SMOC2: variants seen among roughly 807,000 people sequenced by gnomAD.
The protein encoded by SMOC2 is SPARC related modular calcium binding 2.
SMOC2 carries 39 observed loss-of-function variants against 61.4 expected under a neutral mutation model. The observed-to-expected ratio is 0.64, with a 90% CI of 0.49 to 0.83. The LOEUF is 0.83. Ranked by LOEUF, SMOC2 falls within the 40% of genes least tolerant of loss-of-function variation. The probability of loss-of-function intolerance (pLI) is 0.00; values close to 1 mark genes in which losing one functional copy is unlikely to be tolerated. For synonymous variants in SMOC2, 247 were observed against 239.9 expected, an observed-to-expected ratio of 1.03 and a Z score of -0.27; for missense variants, 556 against 592.9, an observed-to-expected ratio of 0.94 and a Z score of 0.65.
chr6:168,616,239 G>C (rs537146245), intron 9 of SMOC2, among the ~76,000 whole-genome samples: 4 of 152,194 alleles, frequency 2.6e-5, no homozygotes, highest in Non-Finnish European at 4.4e-5. Flanking sequence ...AAAGCTTCAG[G>C]CTTTAGAAAC....
At chr6:168,493,289 G>T (rs781646608) in intron 1 of SMOC2, among the ~76,000 whole-genome samples, 10 of 152,052 alleles carry the variant, frequency 6.6e-5, no homozygotes, top group Non-Finnish European at 1.5e-4. Context: ...CACCTGCCTC[G>T]GCCTCCCAAA....
rs1249962081 is a variant in SMOC2, at chr6:168,518,842, CGT to C, written c.257-7496_257-7495del. On this transcript the variant is annotated intron_variant, in intron 2 of 12. Transcript: ENST00000356284. ...TTATGTGAGTGCATGAGTGTGCATG[CGT>C]GTGTGTGCCTCCTTGTGTATGAATG... is the stretch of plus-strand genomic sequence containing the variant. 7.9e-3 allele frequency among the ~76,000 whole-genome samples: 1,192 copies of C among 150,210 alleles called. 15 individuals are homozygous for C. The highest frequency in any genetic ancestry group is 0.027 in the African/African-American group (1,091 of 40,714).
chr6:168,599,299 C>CCA (rs148009987), intron 8 of SMOC2, among the ~76,000 whole-genome samples: 48,115 of 129,850 alleles, frequency 0.37, 9,442 homozygotes, highest in Middle Eastern at 0.43. Flanking sequence ...CACACACATA[C>CCA]CACACACACA....
At chr6:168,528,860 A>C (rs1783517346) in intron 4 of SMOC2, among the ~76,000 whole-genome samples, 1 of 152,254 alleles carries the variant, frequency 6.6e-6, no homozygotes, top group Non-Finnish European at 1.5e-5. Context: ...GAAATGAAAC[A>C]GAAAAACATC....
chr6:168,632,413 T>G (rs2115248763), intron 9 of SMOC2, among the ~76,000 whole-genome samples: 1 of 152,326 alleles, frequency 6.6e-6, no homozygotes, highest in African/African-American at 2.4e-5. Flanking sequence ...TGTATGAAAA[T>G]AATCACTCTC....
At chr6:168,595,457 C>T (rs1260578932) in intron 7 of SMOC2, among the ~76,000 whole-genome samples, 1 of 152,224 alleles carries the variant, frequency 6.6e-6, no homozygotes, top group Admixed American at 6.5e-5. Context: ...AGAACCACCC[C>T]CGTCAGCTCT....
chr6:168,634,544 G>A (rs1052370210), intron 9 of SMOC2, among the ~76,000 whole-genome samples: 2 of 152,140 alleles, frequency 1.3e-5, no homozygotes, highest in African/African-American at 4.8e-5. Flanking sequence ...TGAAGAGAAC[G>A]TTGTTTCAGA....
At chr6:168,616,779 C>T (rs1259827410) in intron 9 of SMOC2, among the ~76,000 whole-genome samples, 3 of 152,176 alleles carry the variant, frequency 2.0e-5, no homozygotes, top group African/African-American at 4.8e-5. Context: ...ATCCCAGAGG[C>T]ATCATAAGAC....
chr6:168,666,294 T>TA, intron 12 of SMOC2, 127 bp from the exon 13 acceptor site: 3 of 904,794 alleles, frequency 3.3e-6, no homozygotes, highest in Non-Finnish European at 3.4e-6. Context: ...TACTCATACT[T>TA]ACACCTCACA....
At chr6:168,528,307 A>G (rs1783504036) in intron 4 of SMOC2, among the ~76,000 whole-genome samples, 1 of 124,900 alleles carries the variant, frequency 8.0e-6, no homozygotes, top group Non-Finnish European at 1.7e-5. Flanking sequence ...AATGATTTAG[A>G]TCATTTTTAT....
intron 1 of SMOC2, among the ~76,000 whole-genome samples, chr6:168,457,274 C>T (rs895116873): frequency 1.3e-5 from 2 of 152,290 alleles, no homozygotes; most frequent in Admixed American, 6.5e-5. Context: ...CCACTGTCTA[C>T]AACGGGGGAG....
chr6:168,559,920 A>G (rs749063248), intron 7 of SMOC2, among the ~76,000 whole-genome samples: 13 of 152,208 alleles, frequency 8.5e-5, no homozygotes, highest in Non-Finnish European at 1.8e-4. Flanking sequence ...GCCAAGCACG[A>G]TGCATTACTA....
intron 9 of SMOC2, among the ~76,000 whole-genome samples, chr6:168,625,658 C>T (rs915076010): frequency 1.7e-4 from 26 of 152,214 alleles, no homozygotes; most frequent in African/African-American, 4.3e-4. Flanking sequence ...TTTTTCTTTA[C>T]GATTCTTCGA....
chr6:168,564,165 G>A lies in SMOC2; in HGVS notation c.637+14962G>A, dbSNP rs116095078. Among the ~76,000 whole-genome samples, 721 of 152,226 alleles carry A rather than the reference G, an allele frequency of 4.7e-3. 5 individuals carry two copies. Among genetic ancestry groups the A allele is most frequent in the African/African-American group, 0.017 (692 of 41,526 alleles). On this transcript the variant is annotated intron_variant, in intron 7 of 12. Coordinates refer to ENST00000356284, the MANE Select transcript of SMOC2 (RefSeq NM_001166412.2). Reference sequence around the variant, plus strand: ...AAGACAAAACACGAAGTTTCTTGAAGGCATTTGAGTTTTAGACTCCTTTTT... The same window carrying A: ...AAGACAAAACACGAAGTTTCTTGAAAGCATTTGAGTTTTAGACTCCTTTTT...
At chr6:168,506,312 A>T (rs1782870691) in intron 1 of SMOC2, among the ~76,000 whole-genome samples, 1 of 152,190 alleles carries the variant, frequency 6.6e-6, no homozygotes, top group Admixed American at 6.5e-5. Flanking sequence ...CTGGGGTTAT[A>T]GGTGTGAGCC....
chr6:168,659,282 A>G (rs1787411535), intron 11 of SMOC2, among the ~76,000 whole-genome samples: 1 of 152,108 alleles, frequency 6.6e-6, no homozygotes, highest in Admixed American at 6.6e-5. Flanking sequence ...GATCCCAAGG[A>G]GAAGAGGCCA....
At chr6:168,647,373 C>T (rs958593510) in intron 9 of SMOC2, among the ~76,000 whole-genome samples, 3 of 152,166 alleles carry the variant, frequency 2.0e-5, no homozygotes, top group South Asian at 2.1e-4. Context: ...AGGTTCTCAG[C>T]GGGCAGCTTC....
intron 9 of SMOC2, among the ~76,000 whole-genome samples, chr6:168,628,403 G>C (rs142659884): frequency 2.0e-5 from 3 of 152,148 alleles, no homozygotes; most frequent in Non-Finnish European, 4.4e-5. Context: ...GAAACACTTC[G>C]TTCCAAAATG....
intron 1 of SMOC2, among the ~76,000 whole-genome samples, chr6:168,493,256 C>T (rs747333045): frequency 1.4e-4 from 21 of 152,042 alleles, no homozygotes; most frequent in Admixed American, 5.2e-4. Context: ...AGGCTGGTCT[C>T]GAACTCCTGA....
Sources: allele counts gnomAD v4.1 joint callset (sites outside exome capture counted in the v4.1 genomes callset), GRCh38; gene constraint gnomAD v4.1.1; transcripts MANE v1.5; gene names NCBI Gene and HGNC (gene_info 2026-07-23, HGNC 2026-07-21).